MALRD1: variants seen among roughly 807,000 people sequenced by gnomAD.
MALRD1 encodes the protein MAM and LDL receptor class A domain containing 1, also known as MAM and LDL-receptor class A domain-containing protein 1.
Under a neutral mutation model 242.1 loss-of-function variants are expected in MALRD1, and 247 were observed. The observed-to-expected ratio is 1.02, with a 90% CI of 0.92 to 1.13. The LOEUF is 1.13. Among genes scored for constraint, MALRD1 ranks in the 50% most tolerant of loss-of-function variants. The pLI is 0.00. For synonymous variants in MALRD1, 995 were observed against 866.6 expected (o/e 1.15, Z -2.60); for missense variants, 2,989 against 2,533.1 (o/e 1.18, Z -3.86).
At chr10:19,304,095 A>G (rs2131965256) in intron 21 of MALRD1, among the ~76,000 whole-genome samples, 1 of 151,804 alleles carries the variant, frequency 6.6e-6, no homozygotes, top group Non-Finnish European at 1.5e-5. Flanking sequence ...TTGGACTAAA[A>G]AGGGAAGATC....
intron 20 of MALRD1, among the ~76,000 whole-genome samples, chr10:19,280,668 A>C (rs1474302927): frequency 6.6e-6 from 1 of 152,148 alleles, no homozygotes. Flanking sequence ...TCATGAGAAA[A>C]CCTATCTTAA....
chr10:19,693,804 C>A (rs1208979398), intron 38 of MALRD1, among the ~76,000 whole-genome samples: 1 of 152,178 alleles, frequency 6.6e-6, no homozygotes, highest in African/African-American at 2.4e-5. Flanking sequence ...CTGGAGGCAT[C>A]ACGCTACCTG....
intron 11 of MALRD1, among the ~76,000 whole-genome samples, chr10:19,151,412 A>G (rs1293246987): frequency 6.6e-6 from 1 of 152,120 alleles, no homozygotes; most frequent in Non-Finnish European, 1.5e-5. Context: ...TTTATTTATC[A>G]TAGCTAGGAA....
chr10:19,530,012 T>TC lies in MALRD1; in HGVS notation c.5321-1179dup, dbSNP rs1834283240. On this transcript the variant is annotated intron_variant, in intron 31 of 39. Transcript: ENST00000454679. ...ATGTATAAATTCAATGCAATTCCAA[T>TC]CCCAAGTTATTTTGTAGATATTAAC... Among the ~76,000 whole-genome samples, 4 of 152,046 alleles carry TC rather than the reference T, an allele frequency of 2.6e-5. No individual in the cohort carries two copies. The South Asian group carries it at 8.3e-4, about 32-fold the overall frequency.
chr10:19,347,629 T>C, intron 24 of MALRD1, 142 bp from the exon 25 acceptor site: 1 of 977,448 alleles, frequency 1.0e-6, no homozygotes, highest in Non-Finnish European at 1.5e-6. Context: ...CAAAATAGTC[T>C]CTTTATATGT....
At chr10:19,435,169 G>C (rs2130960957) in intron 28 of MALRD1, among the ~76,000 whole-genome samples, 1 of 150,714 alleles carries the variant, frequency 6.6e-6, no homozygotes, top group East Asian at 1.9e-4. Context: ...TTTATATATA[G>C]AGAGAGCAGC....
At position 19,719,213 on chromosome 10, in the gene MALRD1, C is replaced by CATATATATAT. The variant is rs1351273405; in HGVS notation, c.6315-11492_6315-11491insTATATATATA. On this transcript the variant is annotated intron_variant, in intron 38 of 39. Coordinates refer to ENST00000454679, the MANE Select transcript of MALRD1 (RefSeq NM_001142308.3). ...ATACATACATATATATATATATATACACATACATACATATATATATATATA... is the reference window on the plus strand; with the variant it reads ...ATACATACATATATATATATATATACATATATATATACATACATACATATATATATATATA... Among the ~76,000 whole-genome samples the CATATATATAT allele has an allele frequency of 2.7e-4, 23 of 85,430 alleles. 1 individual carries two copies. The highest frequency in any genetic ancestry group is 1.1e-3 in the African/African-American group (23 of 20,516). The allele number at this position is 85,430 out of a possible 152,430, so 56.0% of individuals were successfully genotyped here. A position where few individuals can be genotyped will look rare whatever the true frequency, so the allele number is the denominator to read the frequency against.
rs12259274 is a variant in MALRD1 at position 19,368,891 on chromosome 10, T to G, written c.4441+16594T>G. On this transcript the variant is annotated intron_variant, in intron 26 of 39. Transcript: ENST00000454679. ...TGTGTATGTGTGTGTGTGTGTGTGT[T>G]TGTGTGTGTGTGTGTGTGTGTGTGT... 2.1e-3 allele frequency among the ~76,000 whole-genome samples: 170 copies of G among 79,518 alleles called. 1 individual carries two copies. Among genetic ancestry groups the G allele is most frequent in the African/African-American group, 9.0e-3 (161 of 17,956 alleles). 52.2% of individuals were successfully genotyped at this position (79,518 alleles called of 152,430 possible). A position where few individuals can be genotyped will look rare whatever the true frequency, so the allele number is the denominator to read the frequency against.
chr10:19,413,420 T>G (rs1223965767), intron 28 of MALRD1, among the ~76,000 whole-genome samples: 5 of 152,170 alleles, frequency 3.3e-5, no homozygotes, highest in Admixed American at 3.3e-4. Context: ...TTCCTGTGCT[T>G]CTTGCACCAA....
chr10:19,204,245 G>C, intron 15 of MALRD1, 63 bp from the exon 16 acceptor site: 1 of 1,035,908 alleles, frequency 9.7e-7, no homozygotes, highest in Non-Finnish European at 1.4e-6. Context: ...TTAAGAGACA[G>C]ATGTCTCATT....
intron 18 of MALRD1, among the ~76,000 whole-genome samples, chr10:19,228,697 A>C (rs906894670): frequency 6.6e-6 from 1 of 152,082 alleles, no homozygotes; most frequent in Non-Finnish European, 1.5e-5. Flanking sequence ...TTCAATTAGA[A>C]CACTCTTAGG....
At chr10:19,527,829 A>G (rs1323886856) in intron 31 of MALRD1, among the ~76,000 whole-genome samples, 1 of 152,214 alleles carries the variant, frequency 6.6e-6, no homozygotes. Flanking sequence ...ATAATGTTTT[A>G]AAGTTGGTCT....
intron 21 of MALRD1, among the ~76,000 whole-genome samples, chr10:19,283,738 T>C (rs1053437448): frequency 6.6e-6 from 1 of 152,240 alleles, no homozygotes; most frequent in East Asian, 1.9e-4. Context: ...TGCATTTCAC[T>C]GTAATGACTT....
At chr10:19,294,039 A>T (rs1472475002) in intron 21 of MALRD1, among the ~76,000 whole-genome samples, 1 of 152,160 alleles carries the variant, frequency 6.6e-6, no homozygotes, top group African/African-American at 2.4e-5. Context: ...GTACAAGGTA[A>T]AGTTTTAAGA....
intron 17 of MALRD1, among the ~76,000 whole-genome samples, chr10:19,206,261 G>A (rs1352916278): frequency 1.3e-5 from 2 of 151,980 alleles, no homozygotes; most frequent in East Asian, 1.9e-4. Flanking sequence ...TTGCCTATGT[G>A]TAATCTTTGG....
chr10:19,583,706 C>A lies in MALRD1; in HGVS notation c.5681-11488C>A, dbSNP rs1240623889. Among the ~76,000 whole-genome samples the A allele has an allele frequency of 9.5e-4, 144 of 151,858 alleles. 3 individuals carry two copies. The South Asian group carries it at 0.029, about 30-fold the overall frequency. On this transcript the variant is annotated intron_variant, in intron 33 of 39. Transcript: ENST00000454679. ...TTCTCTTTTTTGGTTGTGTCTCTGC[C>A]CGGCTTTGGTATCAGGATGATGCTG...
At chr10:19,497,841 C>G (rs1217078343) in intron 30 of MALRD1, among the ~76,000 whole-genome samples, 1 of 152,136 alleles carries the variant, frequency 6.6e-6, no homozygotes, top group African/African-American at 2.4e-5. Flanking sequence ...ATCAGGGTAT[C>G]ATGATGGCAC....
chr10:19,529,697 A>G (rs1342352542), intron 31 of MALRD1, among the ~76,000 whole-genome samples: 1 of 152,136 alleles, frequency 6.6e-6, no homozygotes, highest in Non-Finnish European at 1.5e-5. Flanking sequence ...AGATGCAAAC[A>G]CAAGACCCAA....
chr10:19,185,218 G>C (rs1201609842), intron 14 of MALRD1, among the ~76,000 whole-genome samples: 1 of 152,136 alleles, frequency 6.6e-6, no homozygotes, highest in East Asian at 1.9e-4. Context: ...TACTGGCTGT[G>C]CTATGTAATG....
Sources: allele counts gnomAD v4.1 joint callset (sites outside exome capture counted in the v4.1 genomes callset), GRCh38; gene constraint gnomAD v4.1.1; transcripts MANE v1.5; gene names NCBI Gene and HGNC (gene_info 2026-07-23, HGNC 2026-07-21).